Variants in ZNF860 observed in about 807,000 individuals in gnomAD.
ZNF860 encodes zinc finger protein 860.
For synonymous variants in ZNF860, 206 were observed against 248.9 expected, an observed-to-expected ratio of 0.83 and a Z score of 1.62; for missense variants, 641 against 759.2, an observed-to-expected ratio of 0.84 and a Z score of 1.83.
At position 31,991,317 on chromosome 3, in the gene ZNF860, G is replaced by A. The variant is rs1413681184; in HGVS notation, c.*339G>A. On this transcript the variant is annotated 3_prime_UTR_variant, in exon 2 of 2. Transcript: ENST00000360311. The stretch of plus-strand genomic sequence containing the variant: ...TTGTTTCTGATAGGGATTTTTATGG[G>A]TATTGTGTTGAATCTAAATCACATT... 2 of 242,644 alleles carry A rather than the reference G, an allele frequency of 8.2e-6. No homozygotes were observed. Among genetic ancestry groups the A allele is most frequent in the Non-Finnish European group, 1.7e-5 (2 of 116,780 alleles). 15.0% of individuals were successfully genotyped at this position (242,644 alleles called of 1,614,324 possible). A position where few individuals can be genotyped will look rare whatever the true frequency, so the allele number is the denominator to read the frequency against.
Position 31,989,393 on chromosome 3 carries a change from T to C in ZNF860, c.314T>C (p.Ile105Thr). The part of the protein sequence containing the change: ...HHIGDFCFQK[I>T]GKDIHDFEFQ... ...ATTGGAGATTTTTGCTTCCAGAAAATTGGGAAAGATATTCATGACTTTGAG... is the reference window on the plus strand; with the variant it reads ...ATTGGAGATTTTTGCTTCCAGAAAACTGGGAAAGATATTCATGACTTTGAG... Residue 105 changes from isoleucine to threonine, a missense_variant, in exon 2 of 2, where the codon ATT becomes ACT. By Grantham distance (89) the Ile-to-Thr change is moderately conservative. Transcript: ENST00000360311. The C allele has an allele frequency of 6.2e-7, 1 of 1,613,968 alleles. No individual in the cohort carries two copies. Among genetic ancestry groups the C allele is most frequent in the Admixed American group, 1.7e-5 (1 of 60,000 alleles).
the ZNF860 span, among the ~76,000 whole-genome samples, chr3:31,997,767 TCA>T: frequency 6.6e-6 from 1 of 151,990 alleles, no homozygotes; most frequent in Admixed American, 6.6e-5. Context: ...TCGCTGAGCC[TCA>T]GTGTTTTTGT....
At chr3:31,984,681 G>T (rs938351486) in intron 1 of ZNF860, among the ~76,000 whole-genome samples, 5 of 152,176 alleles carry the variant, frequency 3.3e-5, no homozygotes, top group Non-Finnish European at 1.5e-5. Context: ...TCTTAGCAAA[G>T]TTCAGACCTC....
intron 1 of ZNF860, among the ~76,000 whole-genome samples, chr3:31,983,925 A>G (rs943543835): frequency 2.6e-5 from 4 of 152,210 alleles, no homozygotes; most frequent in Admixed American, 2.0e-4. Context: ...GGTTTTTGCA[A>G]TAGAGGAAGA....
chr3:31,990,437 C>G lies in ZNF860; in HGVS notation c.1358C>G (p.Pro453Arg). The change falls in exon 2 of 2, where the codon CCT becomes CGT. Residue 453 changes from proline (P) to arginine (R), a missense_variant. Coordinates refer to ENST00000360311, the MANE Select transcript of ZNF860 (RefSeq NM_001137674.3). Reference sequence around the variant, plus strand: ...TGGCGAACTCATACTGGAGAGAAACCTTACAAGTGTAATGAGTGTGGCAAG... The same window carrying G: ...TGGCGAACTCATACTGGAGAGAAACGTTACAAGTGTAATGAGTGTGGCAAG... ...VHWRTHTGEK[P>R]YKCNECGKTF... 6.4e-7 allele frequency: 1 copy of G among 1,569,478 alleles called. No individual in the cohort carries two copies. Among genetic ancestry groups the G allele is most frequent in the Non-Finnish European group, 8.6e-7 (1 of 1,158,892 alleles).
downstream of ZNF860, among the ~76,000 whole-genome samples, chr3:31,994,273 A>G (rs1223460659): frequency 2.6e-5 from 4 of 152,178 alleles, no homozygotes; most frequent in African/African-American, 9.7e-5. Context: ...ATGTATTTGA[A>G]CGTGGGTGGA....
the ZNF860 span, among the ~76,000 whole-genome samples, chr3:31,999,486 G>C: frequency 6.7e-6 from 1 of 150,128 alleles, no homozygotes. Flanking sequence ...TCAGCCTCCT[G>C]AGTAGCTGAG....
the ZNF860 span, among the ~76,000 whole-genome samples, chr3:31,997,771 T>A: frequency 1.3e-5 from 2 of 151,756 alleles, no homozygotes; most frequent in African/African-American, 4.8e-5. Context: ...TGAGCCTCAG[T>A]GTTTTTGTTT....
At chr3:32,000,303 T>C in the ZNF860 span, among the ~76,000 whole-genome samples, 4 of 152,194 alleles carry the variant, frequency 2.6e-5, no homozygotes, top group African/African-American at 9.6e-5. Context: ...ATCAGAGTTA[T>C]ATTCGGCTTA....
downstream of ZNF860, among the ~76,000 whole-genome samples, chr3:31,993,715 G>T (rs1575081324): frequency 6.7e-6 from 1 of 148,768 alleles, no homozygotes; most frequent in African/African-American, 2.5e-5. Flanking sequence ...CAAAACTGAG[G>T]ATACCAAGTG....
the ZNF860 span, among the ~76,000 whole-genome samples, chr3:32,005,440 T>C: frequency 1.8e-5 from 2 of 111,444 alleles, no homozygotes; most frequent in African/African-American, 6.1e-5. Flanking sequence ...TGTCCCTTTA[T>C]GGACTGTGAG....
At chr3:31,993,733 G>C (rs2125525057), downstream of ZNF860, among the ~76,000 whole-genome samples, 1 of 152,154 alleles carries the variant, frequency 6.6e-6, no homozygotes, top group Non-Finnish European at 1.5e-5. Context: ...GTGCTGGTGA[G>C]GATGTGGAGT....
chr3:32,002,659 C>T, the ZNF860 span, among the ~76,000 whole-genome samples: 2 of 129,912 alleles, frequency 1.5e-5, no homozygotes, highest in Non-Finnish European at 3.6e-5. Flanking sequence ...TTCACTCTAA[C>T]ATCATTTCAA....
At chr3:31,994,314 G>T (rs996656144), downstream of ZNF860, among the ~76,000 whole-genome samples, 1 of 152,182 alleles carries the variant, frequency 6.6e-6, no homozygotes, top group Non-Finnish European at 1.5e-5. Context: ...CTTACTTGTG[G>T]CAGTGGTTAC....
chr3:31,992,047 G>A (rs140898605), downstream of ZNF860, among the ~76,000 whole-genome samples: 1,930 of 151,698 alleles, frequency 0.013, 15 homozygotes, highest in Middle Eastern at 0.02. Context: ...TGGGGAGGCT[G>A]AGGCAGGAGA....
chr3:31,990,137 G>A lies in ZNF860; in HGVS notation c.1058G>A (p.Arg353His), dbSNP rs769752890. 3.4e-5 allele frequency: 55 copies of A among 1,610,998 alleles called. No homozygotes were observed. Among genetic ancestry groups the A allele is most frequent in the Admixed American group, 1.0e-4 (6 of 59,822 alleles). The change falls in exon 2 of 2, where the codon CGT becomes CAT. Residue 353 changes from arginine (R) to histidine (H), a missense_variant. Physicochemically the swap from Arg to His is conservative, Grantham distance 29 (BLOSUM62 0). Transcript: ENST00000360311. ...AAGGTTTGTGAAAAGGCTTTCAGGCGTGATTCACACCTCACACAACACACT... is the reference window on the plus strand; with the variant it reads ...AAGGTTTGTGAAAAGGCTTTCAGGCATGATTCACACCTCACACAACACACT... ...KCKVCEKAFR[R>H]DSHLTQHTRI...
chr3:32,002,479 G>A, the ZNF860 span, among the ~76,000 whole-genome samples: 1 of 152,264 alleles, frequency 6.6e-6, no homozygotes, highest in East Asian at 1.9e-4. Flanking sequence ...TTTAAGTCCT[G>A]GACTATGAAG....
At chr3:31,993,681 TACACAC>T (rs139678560), downstream of ZNF860, among the ~76,000 whole-genome samples, 5 of 147,312 alleles carry the variant, frequency 3.4e-5, no homozygotes, top group African/African-American at 1.3e-4. Context: ...TACACACACA[TACACAC>T]ACACACACAC....
rs748473754 is a variant in ZNF860, at chr3:31,989,973, A to G, written c.894A>G (p.Gln298=). Residue 298 remains glutamine (Q), a synonymous_variant, in exon 2 of 2, where the codon CAA becomes CAG. Coordinates refer to ENST00000360311, the MANE Select transcript of ZNF860 (RefSeq NM_001137674.3). ...CNECGKVFNQ[Q]SNLASHHRLH... ...AATGTGGCAAGGTTTTTAATCAACAATCAAACCTTGCAAGTCATCATAGAC... is the reference window on the plus strand; with the variant it reads ...AATGTGGCAAGGTTTTTAATCAACAGTCAAACCTTGCAAGTCATCATAGAC... 5.0e-6 allele frequency: 8 copies of G among 1,614,000 alleles called. No individual in the cohort carries two copies. Among genetic ancestry groups the G allele is most frequent in the Admixed American group, 3.3e-5 (2 of 59,994 alleles).
Sources: gnomAD v4.1 joint callset for allele counts (sites outside exome capture counted in the v4.1 genomes callset) on GRCh38, gnomAD v4.1.1 for gene constraint, MANE v1.5 for transcripts, NCBI Gene and HGNC (gene_info 2026-07-23, HGNC 2026-07-21) for gene names.